The following SDHB variants were observed in gnomAD, a reference collection of about 807,000 sequenced individuals.
The protein encoded by SDHB is succinate dehydrogenase complex iron sulfur subunit B.
SDHB carries 21 observed loss-of-function variants against 39.7 expected under a neutral mutation model. The observed-to-expected ratio is 0.53, with a 90% CI of 0.37 to 0.76. The LOEUF (loss-of-function observed/expected upper bound fraction) is 0.76, where lower values mean the gene tolerates loss of function less well. Ranked by LOEUF, SDHB falls within the 30% of genes least tolerant of loss-of-function variation. SDHB has a pLI of 0.00. For synonymous variants in SDHB, 118 were observed against 117.0 expected (o/e 1.01, Z -0.06); for missense variants, 343 against 350.9 (o/e 0.98, Z 0.18).
chr1:17,046,232 C>CG (rs2078109760), intron 1 of SDHB, among the ~76,000 whole-genome samples: 1 of 152,108 alleles, frequency 6.6e-6, no homozygotes. Context: ...TGTTTTTCAC[C>CG]GGGAACCCCA....
At chr1:17,044,441 C>T (rs1248280767) in intron 2 of SDHB, among the ~76,000 whole-genome samples, 1 of 151,942 alleles carries the variant, frequency 6.6e-6, no homozygotes, top group Non-Finnish European at 1.5e-5. Flanking sequence ...TTTTGTGCCC[C>T]AGCCTCCTGA....
At chr1:17,051,828 T>C (rs1231014217) in intron 1 of SDHB, among the ~76,000 whole-genome samples, 1 of 151,580 alleles carries the variant, frequency 6.6e-6, no homozygotes, top group Non-Finnish European at 1.5e-5. Flanking sequence ...AGGAACAAGA[T>C]GCACATTTTT....
chr1:17,032,820 C>T (rs1241549587), intron 3 of SDHB: 8 of 558,174 alleles, frequency 1.4e-5, no homozygotes, highest in East Asian at 9.5e-5. Flanking sequence ...TCACAGGGAC[C>T]GCCAGATGCA....
chr1:17,040,823 CT>C (rs2078075948), intron 2 of SDHB, among the ~76,000 whole-genome samples: 1 of 151,232 alleles, frequency 6.6e-6, no homozygotes, highest in East Asian at 2.0e-4. Context: ...AAAAATCTTT[CT>C]TTTTCTTAAG....
At chr1:17,026,646 A>G (rs2077993321) in intron 5 of SDHB, among the ~76,000 whole-genome samples, 1 of 152,164 alleles carries the variant, frequency 6.6e-6, no homozygotes, top group Non-Finnish European at 1.5e-5. Flanking sequence ...ATTACAGATG[A>G]GCCACTGCAC....
chr1:17,034,712 C>T (rs1235125712), intron 2 of SDHB, among the ~76,000 whole-genome samples: 6 of 152,114 alleles, frequency 3.9e-5, no homozygotes, highest in East Asian at 1.9e-4. Context: ...ACTATGTAGA[C>T]GTCCTTTCTG....
At chr1:17,034,652 T>C (rs1443172604) in intron 2 of SDHB, among the ~76,000 whole-genome samples, 2 of 152,136 alleles carry the variant, frequency 1.3e-5, no homozygotes, top group Non-Finnish European at 2.9e-5. Context: ...AATGCTGGGA[T>C]TACAGGTGTG....
chr1:17,020,913 A>G (rs990080081), intron 7 of SDHB, among the ~76,000 whole-genome samples: 2 of 152,242 alleles, frequency 1.3e-5, no homozygotes, highest in Middle Eastern at 3.2e-3. Flanking sequence ...TGAATTCTAC[A>G]GCTTGGATTT....
chr1:17,036,807 T>C (rs1250135654), intron 2 of SDHB, among the ~76,000 whole-genome samples: 1 of 147,534 alleles, frequency 6.8e-6, no homozygotes, highest in Non-Finnish European at 1.5e-5. Context: ...TATATATGTA[T>C]ACACACACAC....
chr1:17,022,808 G>A (rs2077969635), intron 6 of SDHB, 78 bp from the exon 7 acceptor site: 4 of 1,540,670 alleles, frequency 2.6e-6, no homozygotes. Flanking sequence ...AAAGCTCTGG[G>A]AGTGCAGAGG....
chr1:17,036,033 ATT>A (rs2078048776), intron 2 of SDHB, among the ~76,000 whole-genome samples: 1 of 152,066 alleles, frequency 6.6e-6, no homozygotes, highest in Non-Finnish European at 1.5e-5. Context: ...TACAACATAA[ATT>A]TTCTCAGATT....
chr1:17,028,520 C>T, intron 4 of SDHB, 80 bp downstream of exon 4: 1 of 1,494,362 alleles, frequency 6.7e-7, no homozygotes. Flanking sequence ...AAATCCTGCC[C>T]TGAAAAACTA....
chr1:17,046,037 G>A (rs188257671), intron 1 of SDHB, among the ~76,000 whole-genome samples: 5 of 152,250 alleles, frequency 3.3e-5, no homozygotes, highest in South Asian at 4.1e-4. Context: ...GGTCAAGACC[G>A]TCTACCAGTA....
At chr1:17,034,708 T>TAG (rs1310150939) in intron 2 of SDHB, among the ~76,000 whole-genome samples, 2 of 152,176 alleles carry the variant, frequency 1.3e-5, no homozygotes, top group African/African-American at 2.4e-5. Flanking sequence ...CAGCACTATG[T>TAG]AGACGTCCTT....
chr1:17,044,797 T>G lies in SDHB; in HGVS notation c.164A>C (p.Lys55Thr), dbSNP rs764843485. ...YRWDPDKAGD[K>T]PHMQTYEVDL... ...AACTTCATAAGTCTGCATATGAGGT[T>G]TGTCTCCAGCCTTGTCTGGGTCCCA... The change falls in exon 2 of 8, where the codon AAA (lysine) becomes ACA (threonine). Residue 55 changes from lysine (K) to threonine (T), a missense_variant. Physicochemically the swap from Lys to Thr is moderately conservative, Grantham distance 78 (BLOSUM62 -1). Transcript: ENST00000375499. The G allele has an allele frequency of 1.9e-6, 3 of 1,614,178 alleles. No homozygotes were observed. In the South Asian group the frequency reaches 3.3e-5, roughly 18 times the overall value.
intron 1 of SDHB, among the ~76,000 whole-genome samples, chr1:17,048,074 G>A (rs182431421): frequency 6.6e-6 from 1 of 152,046 alleles, no homozygotes; most frequent in Non-Finnish European, 1.5e-5. Flanking sequence ...TCAAGATAGG[G>A]GACATTCCCA....
intron 3 of SDHB, among the ~76,000 whole-genome samples, chr1:17,030,986 T>C (rs2078019325): frequency 7.2e-6 from 1 of 139,624 alleles, no homozygotes; most frequent in South Asian, 2.3e-4. Context: ...GGAAAGGGAG[T>C]CTATGTTTCC....
chr1:17,023,477 A>G (rs2077974558), intron 6 of SDHB, among the ~76,000 whole-genome samples: 1 of 152,240 alleles, frequency 6.6e-6, no homozygotes, highest in Non-Finnish European at 1.5e-5. Context: ...AAAAAGCACA[A>G]GCTTTCTGGG....
rs200374366 is a variant in SDHB at position 17,018,731 on chromosome 1, T to C, written c.*150A>G. On this transcript the variant is annotated 3_prime_UTR_variant, in exon 8 of 8. Coordinates refer to ENST00000375499, the MANE Select transcript of SDHB (RefSeq NM_003000.3). ...GTAAAGGAACAGGTTCTTTTTTTTT[T>C]GTTAATAAAGTAGAATAACATTTAT... The C allele has an allele frequency of 3.1e-4, 200 of 638,884 alleles. 4 individuals are homozygous for C. The South Asian group carries it at 3.6e-3, about 11-fold the overall frequency. 39.6% of individuals were successfully genotyped at this position (638,884 alleles called of 1,614,324 possible).
Sources: gnomAD v4.1 joint callset for allele counts (sites outside exome capture counted in the v4.1 genomes callset) on GRCh38, gnomAD v4.1.1 for gene constraint, MANE v1.5 for transcripts, NCBI Gene and HGNC (gene_info 2026-07-23, HGNC 2026-07-21) for gene names.